Variants in PTPRZ1 observed in about 807,000 individuals in gnomAD.
PTPRZ1 encodes the protein protein tyrosine phosphatase receptor type Z1.
PTPRZ1 carries 82 observed loss-of-function variants against 214.1 expected under a neutral mutation model. That is an observed-to-expected ratio of 0.38 (90% confidence interval 0.32 to 0.46). The LOEUF (loss-of-function observed/expected upper bound fraction) is 0.46, where lower values mean the gene tolerates loss of function less well. Among genes scored for constraint, PTPRZ1 ranks in the 20% least tolerant of loss-of-function variants. PTPRZ1 has a pLI of 1.00. For missense variants in PTPRZ1, 2,603 were observed against 2,748.7 expected, an observed-to-expected ratio of 0.95 and a Z score of 1.19; for synonymous variants, 945 against 987.9, an observed-to-expected ratio of 0.96 and a Z score of 0.81.
intron 2 of PTPRZ1, among the ~76,000 whole-genome samples, chr7:121,944,829 G>C (rs1796324424): frequency 6.6e-6 from 1 of 152,130 alleles, no homozygotes; most frequent in South Asian, 2.1e-4. Flanking sequence ...TTTTAGTAGA[G>C]ACGGGGTTTC....
At chr7:121,983,283 T>C (rs1346044667) in intron 6 of PTPRZ1, among the ~76,000 whole-genome samples, 2 of 152,360 alleles carry the variant, frequency 1.3e-5, no homozygotes, top group Middle Eastern at 3.4e-3. Context: ...TTCTTAAATA[T>C]GATGACTAGT....
chr7:122,022,451 G>A (rs1376012457), intron 13 of PTPRZ1, among the ~76,000 whole-genome samples: 2 of 152,168 alleles, frequency 1.3e-5, no homozygotes, highest in Admixed American at 6.5e-5. Context: ...TAAGAAAGAT[G>A]GGAGAAGGCA....
intron 17 of PTPRZ1, among the ~76,000 whole-genome samples, chr7:122,035,992 T>A (rs1316875053): frequency 6.6e-6 from 1 of 152,248 alleles, no homozygotes; most frequent in African/African-American, 2.4e-5. Flanking sequence ...CAGTGTGCTA[T>A]CTACCTCCTC....
chr7:121,907,240 A>G lies in PTPRZ1; in HGVS notation c.59-20916A>G, dbSNP rs1795143699. 3.3e-5 allele frequency among the ~76,000 whole-genome samples: 5 copies of G among 152,242 alleles called. No homozygotes were observed. The South Asian group carries it at 1.0e-3, about 32-fold the overall frequency. On this transcript the variant is annotated intron_variant, in intron 1 of 29. Coordinates refer to ENST00000393386, the MANE Select transcript of PTPRZ1 (RefSeq NM_002851.3). ...TTATTAAATATGTAGTGACAAGTCTAGAAAATAAACTGATTGGCACATTTG... is the reference window on the plus strand; with the variant it reads ...TTATTAAATATGTAGTGACAAGTCTGGAAAATAAACTGATTGGCACATTTG...
chr7:121,986,933 T>G (rs754111217), intron 8 of PTPRZ1, among the ~76,000 whole-genome samples: 3 of 152,214 alleles, frequency 2.0e-5, no homozygotes, highest in Non-Finnish European at 4.4e-5. Flanking sequence ...TACTTTGTTA[T>G]GTTTGTATTT....
At position 122,049,014 on chromosome 7, in the gene PTPRZ1, G is replaced by T. The variant is rs187634109; in HGVS notation, c.6085-2414G>T. 5.2e-3 allele frequency among the ~76,000 whole-genome samples: 796 copies of T among 152,130 alleles called. 9 individuals carry two copies. Among genetic ancestry groups the T allele is most frequent in the African/African-American group, 0.017 (716 of 41,536 alleles). Reference sequence around the variant, plus strand: ...TTCTTTAATATCATGAGCAAGTAGAGTTTATAGGGTTTATTCCAAAAATGA... The same window carrying T: ...TTCTTTAATATCATGAGCAAGTAGATTTTATAGGGTTTATTCCAAAAATGA... On this transcript the variant is annotated intron_variant, in intron 23 of 29. Transcript: ENST00000393386.
chr7:121,958,848 G>A (rs995099614), intron 2 of PTPRZ1, among the ~76,000 whole-genome samples: 1 of 152,096 alleles, frequency 6.6e-6, no homozygotes, highest in Non-Finnish European at 1.5e-5. Context: ...TTTTGAGACA[G>A]AGTCTCACTC....
chr7:122,060,715 A>G (rs1792543968), intron 29 of PTPRZ1, among the ~76,000 whole-genome samples: 1 of 152,196 alleles, frequency 6.6e-6, no homozygotes, highest in South Asian at 2.1e-4. Context: ...ATTTTCTAAC[A>G]AGTAGAGAAA....
At chr7:121,918,686 T>G (rs1795496164) in intron 1 of PTPRZ1, among the ~76,000 whole-genome samples, 1 of 152,082 alleles carries the variant, frequency 6.6e-6, no homozygotes, top group Admixed American at 6.6e-5. Context: ...CTTTAAATTT[T>G]TTGAATATTT....
intron 10 of PTPRZ1, among the ~76,000 whole-genome samples, chr7:122,000,122 T>C (rs2116622754): frequency 6.6e-6 from 1 of 152,242 alleles, no homozygotes; most frequent in African/African-American, 2.4e-5. Context: ...TATTCCCTAT[T>C]ATTTCTACCA....
chr7:121,934,863 C>T (rs578035402), intron 2 of PTPRZ1, among the ~76,000 whole-genome samples: 212 of 152,182 alleles, frequency 1.4e-3, no homozygotes, highest in Non-Finnish European at 2.2e-3. Flanking sequence ...AAGCAAGCCT[C>T]GTTGTGGAGG....
intron 13 of PTPRZ1, among the ~76,000 whole-genome samples, chr7:122,023,848 TATA>T (rs1453165549): frequency 1.3e-5 from 1 of 75,668 alleles, no homozygotes; most frequent in Non-Finnish European, 2.2e-5. Context: ...ATTATATATA[TATA>T]AAAAAAAAAA....
At position 121,976,250 on chromosome 7, in the gene PTPRZ1, T is replaced by G; in HGVS notation, c.534T>G (p.Ala178=). Residue 178 remains alanine, a synonymous_variant, in exon 5 of 30, where the codon GCT becomes GCG. Transcript: ENST00000393386. ...TCAAAGGAAAAGGGAAGTTAAGAGCTTTATCCATTTTGTTTGAGGTAATAT... is the reference window on the plus strand; with the variant it reads ...TCAAAGGAAAAGGGAAGTTAAGAGCGTTATCCATTTTGTTTGAGGTAATAT... ...EAVKGKGKLR[A]LSILFEVGTE... is the part of the protein sequence containing the mutation. 1 of 1,604,188 alleles carries G rather than the reference T, an allele frequency of 6.2e-7. No individual in the cohort carries two copies.
At position 121,953,650 on chromosome 7, in the gene PTPRZ1, GC is replaced by G. The variant is rs546182364; in HGVS notation, c.125-14299del. Among the ~76,000 whole-genome samples the G allele has an allele frequency of 3.5e-4, 53 of 152,306 alleles. No individual in the cohort carries two copies. The East Asian group carries it at 7.9e-3, about 23-fold the overall frequency. ...GGAGACATCTGAGAGATTCCGGGAT[GC>G]CAGTGGTGCCTCTCTGGCCACACTG... On this transcript the variant is annotated intron_variant, in intron 2 of 29. Transcript: ENST00000393386.
intron 25 of PTPRZ1, among the ~76,000 whole-genome samples, chr7:122,052,946 T>G (rs1358120156): frequency 6.6e-6 from 1 of 152,164 alleles, no homozygotes; most frequent in African/African-American, 2.4e-5. Flanking sequence ...GCTTAGCTGA[T>G]AGCTACCATT....
chr7:121,891,649 G>A (rs1794626547), intron 1 of PTPRZ1, among the ~76,000 whole-genome samples: 1 of 150,904 alleles, frequency 6.6e-6, no homozygotes, highest in Admixed American at 6.6e-5. Flanking sequence ...TTTTGACCTT[G>A]TCTGAAATCT....
At position 121,873,328 on chromosome 7, in the gene PTPRZ1, T is replaced by TCTCACA. The variant is rs1554421601; in HGVS notation, c.-171_-170insTCACAC. 34 of 533,190 alleles carry TCTCACA rather than the reference T, an allele frequency of 6.4e-5. No homozygotes were observed. Among genetic ancestry groups the TCTCACA allele is most frequent in the African/African-American group, 5.5e-4 (28 of 50,762 alleles). The allele number at this position is 533,190 out of a possible 1,614,324, so 33.0% of individuals were successfully genotyped here. A position where few individuals can be genotyped will look rare whatever the true frequency, so the allele number is the denominator to read the frequency against. On this transcript the variant is annotated 5_prime_UTR_variant, in exon 1 of 30. Coordinates refer to ENST00000393386, the MANE Select transcript of PTPRZ1 (RefSeq NM_002851.3). ...GTCTCTGTCTCTGTCTCTCTCTCTC[T>TCTCACA]CACACACACACACACACACACAAAC... is the stretch of plus-strand genomic sequence containing the variant.
intron 3 of PTPRZ1, among the ~76,000 whole-genome samples, chr7:121,969,261 A>G (rs928820977): frequency 3.4e-5 from 5 of 147,384 alleles, no homozygotes; most frequent in Admixed American, 1.4e-4. Context: ...AAACAAACAA[A>G]CAAACAAAAA....
At chr7:121,916,291 G>A (rs375662325) in intron 1 of PTPRZ1, among the ~76,000 whole-genome samples, 7 of 123,502 alleles carry the variant, frequency 5.7e-5, no homozygotes, top group African/African-American at 1.3e-4. Flanking sequence ...AAAAAAAAAA[G>A]TTCATTTTTA....
Sources: allele counts gnomAD v4.1 joint callset (sites outside exome capture counted in the v4.1 genomes callset), GRCh38; gene constraint gnomAD v4.1.1; transcripts MANE v1.5; gene names NCBI Gene and HGNC (gene_info 2026-07-23, HGNC 2026-07-21).